Variants in FHIT observed in about 807,000 individuals in gnomAD.
The protein encoded by FHIT is fragile histidine triad diadenosine triphosphatase.
A neutral mutation model predicts 17.9 loss-of-function variants in FHIT; 19 were observed. The observed-to-expected ratio is 1.06, with a 90% CI of 0.74 to 1.56. The LOEUF is 1.56. FHIT is among the 40% of genes most tolerant of loss of function. The pLI is 0.00. For missense variants in FHIT, 248 were observed against 189.2 expected, an observed-to-expected ratio of 1.31 and a Z score of -1.82; for synonymous variants, 81 against 69.7, an observed-to-expected ratio of 1.16 and a Z score of -0.81.
chr3:60,521,526 C>A (rs1481944995), intron 5 of FHIT, among the ~76,000 whole-genome samples: 1 of 152,158 alleles, frequency 6.6e-6, no homozygotes, highest in South Asian at 2.1e-4. Context: ...GGATTACAGG[C>A]ATGAGCCACT....
At chr3:59,989,113 G>A (rs1559527147) in intron 7 of FHIT, among the ~76,000 whole-genome samples, 1 of 151,940 alleles carries the variant, frequency 6.6e-6, no homozygotes, top group Non-Finnish European at 1.5e-5. Flanking sequence ...CCTGGAAATT[G>A]GAAAAAATAG....
intron 3 of FHIT, among the ~76,000 whole-genome samples, chr3:60,931,389 A>C (rs1171057732): frequency 1.3e-5 from 2 of 152,198 alleles, no homozygotes; most frequent in African/African-American, 4.8e-5. Context: ...AAAATAAAAC[A>C]TATTCACATA....
chr3:60,441,745 TA>T (rs2030845474), intron 5 of FHIT, among the ~76,000 whole-genome samples: 2 of 37,708 alleles, frequency 5.3e-5, no homozygotes, highest in African/African-American at 1.7e-4. Context: ...TATATATATT[TA>T]TATATATAAA....
chr3:61,121,410 C>T (rs1370425628), intron 2 of FHIT, among the ~76,000 whole-genome samples: 1 of 152,174 alleles, frequency 6.6e-6, no homozygotes, highest in African/African-American at 2.4e-5. Context: ...AGAAACCCTA[C>T]AAGCCAGAAG....
At chr3:59,864,189 A>G (rs1299738493) in intron 8 of FHIT, among the ~76,000 whole-genome samples, 2 of 152,118 alleles carry the variant, frequency 1.3e-5, no homozygotes, top group Non-Finnish European at 2.9e-5. Flanking sequence ...CCCCACCCAA[A>G]TCTCAACTTG....
intron 2 of FHIT, among the ~76,000 whole-genome samples, chr3:61,191,662 C>G (rs536701409): frequency 1.3e-5 from 2 of 152,056 alleles, no homozygotes; most frequent in Non-Finnish European, 2.9e-5. Context: ...AGATAAAACC[C>G]GATTAGTTTA....
chr3:60,294,791 CAT>C, intron 5 of FHIT, among the ~76,000 whole-genome samples: 1 of 152,284 alleles, frequency 6.6e-6, no homozygotes, highest in East Asian at 1.9e-4. Context: ...AATCATACAA[CAT>C]ATAACCTTTT....
At chr3:60,561,269 G>C (rs1282693652) in intron 4 of FHIT, among the ~76,000 whole-genome samples, 1 of 151,962 alleles carries the variant, frequency 6.6e-6, no homozygotes, top group African/African-American at 2.4e-5. Context: ...TGGAAACAAA[G>C]AACAAAGTCA....
chr3:60,062,544 G>C (rs969793511), intron 5 of FHIT, among the ~76,000 whole-genome samples: 2 of 152,120 alleles, frequency 1.3e-5, no homozygotes, highest in African/African-American at 4.8e-5. Context: ...AAATGGTAGG[G>C]CCTGAATTTA....
At chr3:59,995,311 T>A (rs1699460851) in intron 7 of FHIT, among the ~76,000 whole-genome samples, 2 of 152,126 alleles carry the variant, frequency 1.3e-5, no homozygotes, top group Non-Finnish European at 2.9e-5. Context: ...AAGATTCAAC[T>A]TTCTTAACTC....
At chr3:60,313,562 G>A (rs1376292930) in intron 5 of FHIT, among the ~76,000 whole-genome samples, 1 of 152,180 alleles carries the variant, frequency 6.6e-6, no homozygotes, top group African/African-American at 2.4e-5. Context: ...CACGTAAAGT[G>A]CAAACAACTC....
intron 7 of FHIT, among the ~76,000 whole-genome samples, chr3:60,004,669 A>G (rs888847852): frequency 6.6e-6 from 1 of 152,170 alleles, no homozygotes; most frequent in African/African-American, 2.4e-5. Flanking sequence ...TGGTCATATG[A>G]TATAATGAAG....
chr3:61,213,847 G>C (rs1162544501), intron 1 of FHIT, among the ~76,000 whole-genome samples: 4 of 152,194 alleles, frequency 2.6e-5, no homozygotes, highest in African/African-American at 9.7e-5. Flanking sequence ...TCAGGATTAA[G>C]AATCTCACTC....
intron 2 of FHIT, among the ~76,000 whole-genome samples, chr3:61,111,816 ATT>A (rs984675286): frequency 5.9e-5 from 9 of 152,192 alleles, no homozygotes; most frequent in African/African-American, 1.9e-4. Context: ...CACGTATATA[ATT>A]TGAGTCTTCT....
intron 7 of FHIT, among the ~76,000 whole-genome samples, chr3:59,994,174 C>T (rs1699406427): frequency 1.3e-5 from 2 of 152,080 alleles, no homozygotes; most frequent in Admixed American, 1.3e-4. Flanking sequence ...TCCCAGAATA[C>T]TGCCTTACAA....
chr3:60,143,203 A>G (rs2107306747), intron 5 of FHIT, among the ~76,000 whole-genome samples: 1 of 152,336 alleles, frequency 6.6e-6, no homozygotes, highest in South Asian at 2.1e-4. Flanking sequence ...CACGGTAGAT[A>G]GCATTGCCAA....
chr3:60,443,300 C>T (rs1027831740), intron 5 of FHIT, among the ~76,000 whole-genome samples: 1 of 152,170 alleles, frequency 6.6e-6, no homozygotes, highest in East Asian at 1.9e-4. Flanking sequence ...CCAGAACTTC[C>T]AACACTATGT....
At chr3:60,557,810 T>A (rs990323159) in intron 4 of FHIT, among the ~76,000 whole-genome samples, 1 of 151,926 alleles carries the variant, frequency 6.6e-6, no homozygotes, top group Non-Finnish European at 1.5e-5. Flanking sequence ...GCATTTTGAG[T>A]CCAAGTAAAA....
chr3:59,781,313 G>A (rs190184656), intron 8 of FHIT, among the ~76,000 whole-genome samples: 62 of 152,334 alleles, frequency 4.1e-4, no homozygotes, highest in African/African-American at 1.4e-3. Flanking sequence ...CTTGACAGAC[G>A]GATGAGGCAT....
Sources: gnomAD v4.1 joint callset for allele counts (sites outside exome capture counted in the v4.1 genomes callset) on GRCh38, gnomAD v4.1.1 for gene constraint, MANE v1.5 for transcripts, NCBI Gene and HGNC (gene_info 2026-07-23, HGNC 2026-07-21) for gene names.